The following DCHS2 variants were observed in gnomAD, a reference collection of about 807,000 sequenced individuals.
The protein encoded by DCHS2 is dachsous cadherin-related 2.
In DCHS2, 142 loss-of-function variants were observed where a neutral mutation model predicts 182.4. The ratio of observed to expected loss-of-function variants is 0.78; its 90% CI spans 0.68 to 0.89. The LOEUF (loss-of-function observed/expected upper bound fraction) is 0.89. Ranked by LOEUF, DCHS2 falls within the 40% of genes least tolerant of loss-of-function variation. DCHS2 has a pLI of 0.00. For synonymous variants in DCHS2, 1,740 were observed against 1,663.3 expected (o/e 1.05, Z -1.12); for missense variants, 4,319 against 4,198.6 (o/e 1.03, Z -0.79).
At chr4:154,288,146 A>C (rs1240468309) in intron 13 of DCHS2, among the ~76,000 whole-genome samples, 1 of 152,156 alleles carries the variant, frequency 6.6e-6, no homozygotes, top group East Asian at 1.9e-4. Flanking sequence ...AATGGATATA[A>C]GAAGAAGACA....
At position 154,313,134 on chromosome 4, in the gene DCHS2, G is replaced by A. The variant is rs139671063; in HGVS notation, c.5260+2614C>T. On this transcript the variant is annotated intron_variant, in intron 10 of 19. Transcript: ENST00000357232. ...GCAATATACTGTTAAGTTATTTTAC[G>A]TTTGACACCTTTGAGCGAATGTGAG... Among the ~76,000 whole-genome samples the A allele has an allele frequency of 5.0e-3, 768 of 152,192 alleles. 10 individuals carry two copies. The highest frequency in any genetic ancestry group is 0.018 in the African/African-American group (738 of 41,524).
intron 1 of DCHS2, among the ~76,000 whole-genome samples, chr4:154,452,938 G>A (rs1464599726): frequency 2.0e-5 from 3 of 152,118 alleles, no homozygotes; most frequent in Non-Finnish European, 4.4e-5. Flanking sequence ...CTTCCACTTC[G>A]AGGACTATGA....
At chr4:154,466,382 C>A (rs150593219) in intron 1 of DCHS2, among the ~76,000 whole-genome samples, 44 of 152,266 alleles carry the variant, frequency 2.9e-4, no homozygotes, top group African/African-American at 1.0e-3. Flanking sequence ...GTTTTAAGGG[C>A]AAAATAGATG....
intron 1 of DCHS2, among the ~76,000 whole-genome samples, chr4:154,427,725 T>C (rs1196312639): frequency 1.3e-5 from 2 of 152,202 alleles, no homozygotes; most frequent in Admixed American, 6.5e-5. Context: ...AGTGTCCTGA[T>C]GAGAGCAAAG....
intron 1 of DCHS2, among the ~76,000 whole-genome samples, chr4:154,458,391 C>G (rs146009723): frequency 1.2e-3 from 184 of 152,270 alleles, no homozygotes; most frequent in Middle Eastern, 3.4e-3. Flanking sequence ...TGGAAAACAG[C>G]TGTTACGGTT....
chr4:154,490,093 T>C lies in DCHS2; in HGVS notation c.1263A>G (p.Gly421=), dbSNP rs1728746391. The C allele has an allele frequency of 5.8e-6, 9 of 1,548,926 alleles. No individual in the cohort carries two copies. Among genetic ancestry groups the C allele is most frequent in the Non-Finnish European group, 7.8e-6 (9 of 1,146,538 alleles). Residue 421 remains glycine, a synonymous_variant, in exon 1 of 20, where the codon GGA becomes GGG. Coordinates refer to ENST00000357232, the MANE Select transcript of DCHS2 (RefSeq NM_001358235.2). ...PAIHVLFLTE[G]GVARVSEGAR... is the part of the protein sequence containing the mutation. The stretch of plus-strand genomic sequence containing the variant: ...CGCCTTCAGAGACACGGGCGACGCC[T>C]CCCTCTGTGAGAAAGAGCACGTGAA...
intron 1 of DCHS2, among the ~76,000 whole-genome samples, chr4:154,403,604 T>C (rs1321841840): frequency 2.0e-5 from 3 of 152,168 alleles, no homozygotes; most frequent in Admixed American, 6.5e-5. Flanking sequence ...TGTAATTTTG[T>C]TTACCTGTAA....
Position 154,235,372 on chromosome 4 carries a change from G to A in DCHS2, c.9280C>T (p.His3094Tyr). Reference protein sequence around the residue: ...NLYRHSNSSGHCSVEGETAED... With the variant: ...NLYRHSNSSGYCSVEGETAED... ...GCAGTTTCTCCTTCCACAGAACAGT[G>A]GCCACTGGAGTTTGAGTGTCTGTAC... The change falls in exon 20 of 20, where the codon CAC becomes TAC. Residue 3094 changes from histidine to tyrosine, a missense_variant. Physicochemically the swap from His to Tyr is moderately conservative, Grantham distance 83. Transcript: ENST00000357232. The A allele has an allele frequency of 1.2e-6, 2 of 1,613,932 alleles. No homozygotes were observed. The highest frequency in any genetic ancestry group is 2.2e-5 in the South Asian group (2 of 91,068).
intron 1 of DCHS2, among the ~76,000 whole-genome samples, chr4:154,423,788 A>T (rs372163520): frequency 6.6e-6 from 1 of 152,240 alleles, no homozygotes; most frequent in Non-Finnish European, 1.5e-5. Flanking sequence ...ACATACTTAT[A>T]TGCATGCATT....
Position 154,298,128 on chromosome 4 carries a change from A to G in DCHS2, c.6186T>C (p.Ala2062=). The G allele has an allele frequency of 6.2e-7, 1 of 1,614,132 alleles. No homozygotes were observed. Among genetic ancestry groups the G allele is most frequent in the South Asian group, 1.1e-5 (1 of 91,080 alleles). The part of the protein sequence containing the change: ...PTNQTTVIVR[A]DDLDLGPNGT... ...CATTGGGCCCCAAGTCCAGGTCATC[A>G]GCTCTCACAATGACAGTTGTCTGGT... The change falls in exon 13 of 20, where the codon GCT becomes GCC. Residue 2062 remains alanine, a synonymous_variant. Transcript: ENST00000357232.
intron 7 of DCHS2, among the ~76,000 whole-genome samples, chr4:154,323,595 A>T (rs1736166138): frequency 1.3e-5 from 2 of 152,208 alleles, no homozygotes; most frequent in Non-Finnish European, 2.9e-5. Flanking sequence ...TCCAAAAAAT[A>T]TGAGATCCAA....
At chr4:154,329,323 T>C (rs74721840) in intron 6 of DCHS2, among the ~76,000 whole-genome samples, 200 bp downstream of exon 6, 2,547 of 152,314 alleles carry the variant, frequency 0.017, 66 homozygotes, top group African/African-American at 0.057. Context: ...GGAGGTACAA[T>C]GCCAAAGAGC....
At chr4:154,359,871 G>T (rs1262062437) in intron 3 of DCHS2, among the ~76,000 whole-genome samples, 1 of 151,948 alleles carries the variant, frequency 6.6e-6, no homozygotes, top group Non-Finnish European at 1.5e-5. Context: ...CAGATAATTT[G>T]GTGTTTAGGT....
rs536297343 is a variant in DCHS2, at chr4:154,302,762, G to T, written c.5605+1907C>A. Among the ~76,000 whole-genome samples the T allele has an allele frequency of 1.3e-4, 12 of 94,814 alleles. No individual in the cohort carries two copies. The South Asian group carries it at 5.2e-3, about 41-fold the overall frequency. 62.2% of individuals were successfully genotyped at this position (94,814 alleles called of 152,430 possible). A position where few individuals can be genotyped will look rare whatever the true frequency, so the allele number is the denominator to read the frequency against. On this transcript the variant is annotated intron_variant, in intron 12 of 19. Transcript: ENST00000357232. ...AGAGACATGCAGAGCCAGGAAAGAG[G>T]AAGGTGACACAAGGGGAGGATGCCT... is the stretch of plus-strand genomic sequence containing the variant.
At chr4:154,392,575 A>G (rs963042424) in intron 1 of DCHS2, among the ~76,000 whole-genome samples, 1 of 152,210 alleles carries the variant, frequency 6.6e-6, no homozygotes, top group Non-Finnish European at 1.5e-5. Context: ...AAAGGGTCAT[A>G]GTCACAATGG....
At chr4:154,361,823 C>T (rs1373375367) in intron 3 of DCHS2, among the ~76,000 whole-genome samples, 2 of 151,974 alleles carry the variant, frequency 1.3e-5, no homozygotes, top group Admixed American at 1.3e-4. Flanking sequence ...TTTTTAAATG[C>T]ATGAGTCTTG....
At chr4:154,397,389 C>T (rs1022844636) in intron 1 of DCHS2, among the ~76,000 whole-genome samples, 1 of 152,042 alleles carries the variant, frequency 6.6e-6, no homozygotes, top group African/African-American at 2.4e-5. Flanking sequence ...TCTAGAATAC[C>T]TATTCTGTAT....
chr4:154,426,738 A>G (rs902214263), intron 1 of DCHS2, among the ~76,000 whole-genome samples: 3 of 151,078 alleles, frequency 2.0e-5, no homozygotes, highest in Non-Finnish European at 4.4e-5. Flanking sequence ...GTTTGAGACC[A>G]GCCTGGGCAA....
At chr4:154,427,510 C>T (rs888609820) in intron 1 of DCHS2, among the ~76,000 whole-genome samples, 1 of 152,240 alleles carries the variant, frequency 6.6e-6, no homozygotes, top group Non-Finnish European at 1.5e-5. Context: ...CACCCTGAAC[C>T]TATTCTGGTT....
Sources: gnomAD v4.1 joint callset for allele counts (sites outside exome capture counted in the v4.1 genomes callset) on GRCh38, gnomAD v4.1.1 for gene constraint, MANE v1.5 for transcripts, NCBI Gene and HGNC (gene_info 2026-07-23, HGNC 2026-07-21) for gene names.